OTOGL: variants seen among roughly 807,000 people sequenced by gnomAD.
OTOGL encodes the protein otogelin like, also known as otogelin-like protein.
A neutral mutation model predicts 318.5 loss-of-function variants in OTOGL; 285 were observed. That is an observed-to-expected ratio of 0.89 (90% CI 0.81 to 0.99). OTOGL has a LOEUF of 0.99. Among genes scored for constraint, OTOGL ranks in the 50% least tolerant of loss-of-function variants. OTOGL has a pLI of 0.00. For missense variants in OTOGL, 2,899 were observed against 2,845.6 expected (o/e 1.02, Z -0.43); for synonymous variants, 987 against 936.5 (o/e 1.05, Z -0.99).
intron 26 of OTOGL, among the ~76,000 whole-genome samples, chr12:80,279,789 C>T (rs143874545): frequency 0.011 from 1,617 of 151,682 alleles, 12 homozygotes; most frequent in Middle Eastern, 0.027. Context: ...GATTTATATT[C>T]CTTTGGGTAT....
At chr12:80,318,810 A>AT (rs1565980595) in intron 33 of OTOGL, 97 bp downstream of exon 33, 2 of 958,918 alleles carry the variant, frequency 2.1e-6, no homozygotes, top group Non-Finnish European at 2.7e-6. Flanking sequence ...TGTTTATGGT[A>AT]TTTTTTAAAA....
At chr12:80,176,136 A>G (rs140048989) in intron 1 of OTOGL, among the ~76,000 whole-genome samples, 198 of 152,322 alleles carry the variant, frequency 1.3e-3, no homozygotes, top group African/African-American at 4.6e-3. Flanking sequence ...AGGAATATTC[A>G]AAGAGTTCTA....
chr12:80,212,259 C>T (rs1319215181), intron 4 of OTOGL, among the ~76,000 whole-genome samples: 2 of 151,962 alleles, frequency 1.3e-5, no homozygotes, highest in Non-Finnish European at 1.5e-5. Context: ...AGGCTTGAGG[C>T]ATTTAATTCC....
intron 29 of OTOGL, among the ~76,000 whole-genome samples, chr12:80,307,923 A>G (rs1470734389): frequency 1.9e-5 from 2 of 103,148 alleles, no homozygotes; most frequent in African/African-American, 4.7e-5. Flanking sequence ...GCGGGGGCTG[A>G]CCCCCCCACC....
At chr12:80,222,994 T>C (rs1227720093) in intron 7 of OTOGL, among the ~76,000 whole-genome samples, 1 of 151,930 alleles carries the variant, frequency 6.6e-6, no homozygotes, top group Non-Finnish European at 1.5e-5. Flanking sequence ...CCCTGAGCAG[T>C]GTACATTGTA....
At position 80,379,201 on chromosome 12, in the gene OTOGL, G is replaced by A. The variant is rs1891337306; in HGVS notation, c.*1153G>A. The A allele has an allele frequency of 6.6e-6, 1 of 151,972 alleles. No homozygotes were observed. The highest frequency in any genetic ancestry group is 1.5e-5 in the Non-Finnish European group (1 of 67,848). 9.4% of individuals were successfully genotyped at this position (151,972 alleles called of 1,614,324 possible). A position where few individuals can be genotyped will look rare whatever the true frequency, so the allele number is the denominator to read the frequency against. On this transcript the variant is annotated 3_prime_UTR_variant, in exon 59 of 59. Coordinates refer to ENST00000547103, the MANE Select transcript of OTOGL (RefSeq NM_001378609.3). ...TCTTTGCCACCTATAATTAAAAATT[G>A]TCTGAATTTTCTCCTCAGTATAAAG...
chr12:80,226,783 T>C (rs1206652138), intron 7 of OTOGL, among the ~76,000 whole-genome samples: 1 of 152,130 alleles, frequency 6.6e-6, no homozygotes, highest in African/African-American at 2.4e-5. Context: ...AAGAACCCAT[T>C]TCCTCTTTGT....
intron 55 of OTOGL, among the ~76,000 whole-genome samples, chr12:80,369,418 A>G (rs2138088242): frequency 6.6e-6 from 1 of 152,180 alleles, no homozygotes; most frequent in Admixed American, 6.6e-5. Flanking sequence ...TAAATGGTTG[A>G]CTATTTAGGA....
intron 1 of OTOGL, among the ~76,000 whole-genome samples, chr12:80,162,442 G>A (rs1873575142): frequency 6.6e-6 from 1 of 152,072 alleles, no homozygotes; most frequent in Admixed American, 6.6e-5. Context: ...ACCTGTATTA[G>A]TTCACTAGGG....
chr12:80,235,721 G>A (rs1465024933), intron 9 of OTOGL, among the ~76,000 whole-genome samples: 1 of 152,124 alleles, frequency 6.6e-6, no homozygotes, highest in East Asian at 1.9e-4. Context: ...CTGGCAGAAG[G>A]CAATTGAACG....
In OTOGL at chr12:80,265,113, T is replaced by C. The variant is rs756470310; in HGVS notation, c.2127T>C (p.Cys709=). The C allele has an allele frequency of 3.7e-6, 6 of 1,613,756 alleles. No homozygotes were observed. Among genetic ancestry groups the C allele is most frequent in the South Asian group, 2.2e-5 (2 of 91,086 alleles). The change falls in exon 20 of 59, where the codon TGT becomes TGC. Residue 709 remains cysteine, a synonymous_variant. Coordinates refer to ENST00000547103, the MANE Select transcript of OTOGL (RefSeq NM_001378609.3). ...TATGCCGCCACGATGCATGCAAGTG[T>C]GGAAGCTCCTGCCTGTGCAATGCTC... The part of the protein sequence containing the change: ...YQLCRHDACK[C]GSSCLCNALA...
At chr12:80,300,772 C>T (rs948267932) in intron 27 of OTOGL, among the ~76,000 whole-genome samples, 1 of 152,086 alleles carries the variant, frequency 6.6e-6, no homozygotes, top group Non-Finnish European at 1.5e-5. Context: ...ATCTGGAGAA[C>T]AGAGTTCCTA....
At chr12:80,229,522 A>G (rs1592577070) in intron 8 of OTOGL, 144 bp downstream of exon 8, 1 of 1,165,086 alleles carries the variant, frequency 8.6e-7, no homozygotes. Flanking sequence ...ACAGACATCA[A>G]AACTTCGGTA....
At chr12:80,243,559 TTCC>T (rs1256077706) in intron 11 of OTOGL, among the ~76,000 whole-genome samples, 2 of 151,578 alleles carry the variant, frequency 1.3e-5, no homozygotes, top group Admixed American at 6.6e-5. Flanking sequence ...ACAATAGAAT[TTCC>T]TCCTCCTCTT....
At chr12:80,124,045 A>G (rs1372698264) in intron 1 of OTOGL, among the ~76,000 whole-genome samples, 1 of 152,206 alleles carries the variant, frequency 6.6e-6, no homozygotes, top group Non-Finnish European at 1.5e-5. Flanking sequence ...TCATTTAACT[A>G]GATCCCATTT....
intron 1 of OTOGL, among the ~76,000 whole-genome samples, chr12:80,102,555 G>A (rs571135926): frequency 6.6e-6 from 1 of 152,204 alleles, no homozygotes; most frequent in South Asian, 2.1e-4. Context: ...CATCTCCACT[G>A]TCACCCCTCT....
chr12:80,271,544 C>T (rs980881005), intron 23 of OTOGL, 104 bp from the exon 24 acceptor site: 51 of 1,143,258 alleles, frequency 4.5e-5, no homozygotes, highest in Admixed American at 1.2e-4. Context: ...CATTCTCAAA[C>T]TCAAAATAGG....
chr12:80,301,745 C>G (rs572227277), intron 27 of OTOGL, among the ~76,000 whole-genome samples: 5 of 152,284 alleles, frequency 3.3e-5, no homozygotes, highest in Admixed American at 6.5e-5. Context: ...TACACACATA[C>G]AGTAGTTCCC....
rs1311168753 is a variant in OTOGL at position 80,380,731 on chromosome 12, A to G, written c.*2683A>G. 6.6e-6 allele frequency: 1 copy of G among 152,148 alleles called. No individual in the cohort carries two copies. Among genetic ancestry groups the G allele is most frequent in the Non-Finnish European group, 1.5e-5 (1 of 68,002 alleles). 9.4% of individuals were successfully genotyped at this position (152,148 alleles called of 1,614,324 possible). ...CCTAGAAATGTATACTAATATTAGA[A>G]GTGATTTTTGGTTTGACCAAACTGC... On this transcript the variant is annotated 3_prime_UTR_variant, in exon 59 of 59. Transcript: ENST00000547103.
Sources: allele counts gnomAD v4.1 joint callset (sites outside exome capture counted in the v4.1 genomes callset), GRCh38; gene constraint gnomAD v4.1.1; transcripts MANE v1.5; gene names NCBI Gene and HGNC (gene_info 2026-07-23, HGNC 2026-07-21).